RAB3B: variants seen among roughly 807,000 people sequenced by gnomAD.
RAB3B encodes ras-related protein Rab-3B.
In RAB3B, 11 loss-of-function variants were observed where a neutral mutation model predicts 20.5. That is an observed-to-expected ratio of 0.54 (90% CI 0.34 to 0.89). RAB3B has a LOEUF of 0.89. Ranked by LOEUF, RAB3B falls within the 40% of genes least tolerant of loss-of-function variation. RAB3B has a pLI of 0.02. For missense variants in RAB3B, 225 were observed against 280.9 expected (o/e 0.80, Z 1.42); for synonymous variants, 99 against 106.3 (o/e 0.93, Z 0.42).
At chr1:51,944,004 GGAA>G (rs1359680326) in intron 2 of RAB3B, among the ~76,000 whole-genome samples, 11 of 152,174 alleles carry the variant, frequency 7.2e-5, no homozygotes, top group Non-Finnish European at 1.5e-5. Flanking sequence ...AAACAGCACT[GGAA>G]GAATATGCCA....
chr1:51,924,869 A>C (rs930773316), intron 4 of RAB3B, among the ~76,000 whole-genome samples: 1 of 152,160 alleles, frequency 6.6e-6, no homozygotes. Flanking sequence ...CTGAGAATCT[A>C]GTGAGGCCAG....
intron 4 of RAB3B, among the ~76,000 whole-genome samples, chr1:51,932,490 G>T (rs1684339608): frequency 6.6e-6 from 1 of 152,150 alleles, no homozygotes; most frequent in African/African-American, 2.4e-5. Flanking sequence ...ACATGCCTGG[G>T]CACCTAGGCC....
chr1:51,977,483 G>C (rs1007966651), intron 1 of RAB3B, among the ~76,000 whole-genome samples: 2 of 152,164 alleles, frequency 1.3e-5, no homozygotes, highest in African/African-American at 4.8e-5. Flanking sequence ...GTAGATAAGT[G>C]ATAAGACAGA....
At position 51,908,490 on chromosome 1, in the gene RAB3B, T is replaced by C. The variant is rs138756181; in HGVS notation, c.*11437A>G. 6.6e-6 allele frequency: 1 copy of C among 152,138 alleles called. No homozygotes were observed. The highest frequency in any genetic ancestry group is 2.4e-5 in the African/African-American group (1 of 41,512). The allele number at this position is 152,138 out of a possible 1,614,324, so 9.4% of individuals were successfully genotyped here. On this transcript the variant is annotated 3_prime_UTR_variant, in exon 5 of 5. Transcript: ENST00000371655. ...ACATCTCTCTGTGTGGCCACAGAGATAGATCATCTGCTCCTGGCTCCTTGA... is the reference window on the plus strand; with the variant it reads ...ACATCTCTCTGTGTGGCCACAGAGACAGATCATCTGCTCCTGGCTCCTTGA...
chr1:51,983,305 G>C (rs1183378360), intron 1 of RAB3B, among the ~76,000 whole-genome samples: 7 of 151,970 alleles, frequency 4.6e-5, no homozygotes, highest in African/African-American at 1.7e-4. Flanking sequence ...TTGGGTGATA[G>C]AGCCAGACTT....
chr1:51,950,447 T>C (rs572279594), intron 2 of RAB3B, among the ~76,000 whole-genome samples: 1 of 152,348 alleles, frequency 6.6e-6, no homozygotes, highest in East Asian at 1.9e-4. Context: ...ACCTGCCACA[T>C]ACTAGGAACT....
chr1:51,941,406 G>A (rs1684492024), intron 2 of RAB3B, among the ~76,000 whole-genome samples: 1 of 152,156 alleles, frequency 6.6e-6, no homozygotes, highest in Admixed American at 6.6e-5. Flanking sequence ...TGGACTGGAA[G>A]GAGAAGAGAT....
At chr1:51,939,145 C>A (rs1337577824) in intron 2 of RAB3B, among the ~76,000 whole-genome samples, 1 of 152,196 alleles carries the variant, frequency 6.6e-6, no homozygotes, top group Non-Finnish European at 1.5e-5. Flanking sequence ...GTTATCAGGG[C>A]ACATTGGGAT....
At chr1:51,978,298 T>A (rs940206289) in intron 1 of RAB3B, among the ~76,000 whole-genome samples, 35 of 152,238 alleles carry the variant, frequency 2.3e-4, no homozygotes, top group African/African-American at 8.4e-4. Context: ...AATCTCCTCA[T>A]CTGGAAAATG....
intron 1 of RAB3B, among the ~76,000 whole-genome samples, chr1:51,985,158 C>T (rs1352145292): frequency 6.6e-6 from 1 of 152,282 alleles, no homozygotes; most frequent in East Asian, 1.9e-4. Context: ...CACAGTTTCT[C>T]GGCCCATGGA....
intron 1 of RAB3B, among the ~76,000 whole-genome samples, chr1:51,984,644 T>C (rs746586635): frequency 1.1e-4 from 16 of 152,150 alleles, no homozygotes; most frequent in Non-Finnish European, 2.1e-4. Flanking sequence ...TAGGAAGTTG[T>C]TTTTAAGTTG....
intron 2 of RAB3B, among the ~76,000 whole-genome samples, chr1:51,957,757 G>T (rs1387181606): frequency 6.6e-6 from 1 of 152,172 alleles, no homozygotes; most frequent in Non-Finnish European, 1.5e-5. Flanking sequence ...AGAGCTGTAG[G>T]AAAGTGAGAG....
At chr1:51,941,857 C>T (rs1170382782) in intron 2 of RAB3B, among the ~76,000 whole-genome samples, 2 of 152,154 alleles carry the variant, frequency 1.3e-5, no homozygotes, top group Non-Finnish European at 2.9e-5. Context: ...TTCTCCAGCT[C>T]ATGAGTGAGT....
chr1:51,947,721 ACT>A (rs766287479), intron 2 of RAB3B, among the ~76,000 whole-genome samples: 26 of 151,760 alleles, frequency 1.7e-4, no homozygotes, highest in Admixed American at 5.9e-4. Flanking sequence ...TGTTCATGCT[ACT>A]CTCTGCCACA....
At chr1:51,965,902 C>T (rs563697674) in intron 2 of RAB3B, among the ~76,000 whole-genome samples, 34 of 152,108 alleles carry the variant, frequency 2.2e-4, no homozygotes, top group Non-Finnish European at 4.6e-4. Flanking sequence ...CACATGGGAA[C>T]TCTACACTAT....
chr1:51,964,931 GT>G (rs1684828483), intron 2 of RAB3B, among the ~76,000 whole-genome samples: 2 of 152,162 alleles, frequency 1.3e-5, no homozygotes, highest in African/African-American at 2.4e-5. Flanking sequence ...ATCCTGTTAA[GT>G]GTTAAGATGT....
intron 1 of RAB3B, among the ~76,000 whole-genome samples, chr1:51,979,860 G>T (rs1408452117): frequency 6.6e-6 from 1 of 151,248 alleles, no homozygotes; most frequent in Non-Finnish European, 1.5e-5. Context: ...TGGCTAACAC[G>T]GTGAAACCCC....
chr1:51,961,420 G>A (rs1684782538), intron 2 of RAB3B, among the ~76,000 whole-genome samples: 1 of 152,134 alleles, frequency 6.6e-6, no homozygotes, highest in Non-Finnish European at 1.5e-5. Context: ...AGGTCCCTGG[G>A]GTACCACAGG....
chr1:51,936,564 T>C (rs1450481773), intron 3 of RAB3B, among the ~76,000 whole-genome samples: 1 of 152,222 alleles, frequency 6.6e-6, no homozygotes, highest in Non-Finnish European at 1.5e-5. Context: ...AAACCCTTCA[T>C]GACCTATGCC....
Sources: gnomAD v4.1 joint callset for allele counts (sites outside exome capture counted in the v4.1 genomes callset) on GRCh38, gnomAD v4.1.1 for gene constraint, MANE v1.5 for transcripts, NCBI Gene and HGNC (gene_info 2026-07-23, HGNC 2026-07-21) for gene names.